RALYL: variants seen among roughly 807,000 people sequenced by gnomAD.
RALYL encodes RNA-binding Raly-like protein.
In RALYL, 29 loss-of-function variants were observed where a neutral mutation model predicts 35.1. The observed-to-expected ratio is 0.83, with a 90% confidence interval of 0.61 to 1.13. The LOEUF is 1.13. Among genes scored for constraint, RALYL ranks in the 50% most tolerant of loss-of-function variants. The pLI is 0.00. For missense variants in RALYL, 359 were observed against 360.4 expected (o/e 1.00, Z 0.03); for synonymous variants, 120 against 127.6 (o/e 0.94, Z 0.40).
intron 1 of RALYL, among the ~76,000 whole-genome samples, chr8:84,252,302 A>G (rs1335140532): frequency 6.6e-6 from 1 of 152,090 alleles, no homozygotes; most frequent in Non-Finnish European, 1.5e-5. Context: ...ATTTTTTGAT[A>G]TATTTTTCAG....
chr8:84,783,669 A>G (rs765496674), intron 3 of RALYL, among the ~76,000 whole-genome samples: 1 of 152,206 alleles, frequency 6.6e-6, no homozygotes, highest in Admixed American at 6.5e-5. Context: ...CTTGAGAAAG[A>G]CATTCCCAGG....
chr8:84,302,530 G>C (rs1841004781), intron 1 of RALYL, among the ~76,000 whole-genome samples: 1 of 152,094 alleles, frequency 6.6e-6, no homozygotes, highest in Non-Finnish European at 1.5e-5. Context: ...TTATTAATTT[G>C]GAAATTTTAT....
intron 2 of RALYL, among the ~76,000 whole-genome samples, chr8:84,727,579 G>A (rs978693190): frequency 4.0e-5 from 6 of 151,074 alleles, no homozygotes; most frequent in Admixed American, 2.6e-4. Context: ...CCACTAACTC[G>A]TCATCTAGCA....
At chr8:84,362,597 G>C (rs1430874858) in intron 1 of RALYL, among the ~76,000 whole-genome samples, 1 of 152,088 alleles carries the variant, frequency 6.6e-6, no homozygotes, top group Non-Finnish European at 1.5e-5. Flanking sequence ...AGGGATCCAG[G>C]TTGCACACTC....
intron 2 of RALYL, among the ~76,000 whole-genome samples, chr8:84,737,194 T>C (rs1847473695): frequency 6.6e-6 from 1 of 152,106 alleles, no homozygotes; most frequent in South Asian, 2.1e-4. Context: ...TGCAGAAATA[T>C]TTTTAAAACT....
At chr8:84,773,357 C>T (rs951212818) in intron 2 of RALYL, among the ~76,000 whole-genome samples, 4 of 152,158 alleles carry the variant, frequency 2.6e-5, no homozygotes, top group African/African-American at 9.7e-5. Context: ...GTCCACTGTG[C>T]AAGAAATAGA....
intron 8 of RALYL, among the ~76,000 whole-genome samples, chr8:84,901,894 T>C (rs1363336389): frequency 6.6e-6 from 1 of 152,164 alleles, no homozygotes; most frequent in Non-Finnish European, 1.5e-5. Flanking sequence ...GATCTATGTC[T>C]GGCCTTAGCA....
chr8:84,425,420 C>T (rs904230278), intron 1 of RALYL, among the ~76,000 whole-genome samples: 3 of 152,168 alleles, frequency 2.0e-5, no homozygotes, highest in Admixed American at 6.5e-5. Context: ...GCGCACGGTG[C>T]GCTCACCCAC....
intron 2 of RALYL, among the ~76,000 whole-genome samples, chr8:84,550,233 C>G (rs2060625358): frequency 1.3e-5 from 2 of 152,106 alleles, no homozygotes; most frequent in Middle Eastern, 3.2e-3. Context: ...CCCTCTCTCT[C>G]CCCTCCACTT....
intron 2 of RALYL, among the ~76,000 whole-genome samples, chr8:84,552,358 ATTTT>A (rs1167949176): frequency 0.054 from 1,611 of 29,730 alleles, 10 homozygotes; most frequent in South Asian, 0.096. Flanking sequence ...ATATATATAT[ATTTT>A]TTTTTTTTTT....
intron 4 of RALYL, among the ~76,000 whole-genome samples, chr8:84,837,642 C>A (rs1307470848): frequency 6.6e-6 from 1 of 152,258 alleles, no homozygotes; most frequent in South Asian, 2.1e-4. Context: ...ACTTGGTCCT[C>A]ATTTAATCTT....
At position 84,907,675 on chromosome 8, in the gene RALYL, C is replaced by T. The variant is rs187688539; in HGVS notation, c.859-13219C>T. On this transcript the variant is annotated intron_variant, in intron 8 of 8. Coordinates refer to ENST00000521268, the MANE Select transcript of RALYL (RefSeq NM_173848.7). ...TTATTAATTTTGATATGTATAGTACCCTTTTGGTTTGTGCCAAATCTATGC... is the reference window on the plus strand; with the variant it reads ...TTATTAATTTTGATATGTATAGTACTCTTTTGGTTTGTGCCAAATCTATGC... 1.6e-3 allele frequency among the ~76,000 whole-genome samples: 244 copies of T among 151,976 alleles called. 1 individual carries two copies. Among genetic ancestry groups the T allele is most frequent in the African/African-American group, 5.5e-3 (229 of 41,442 alleles).
intron 1 of RALYL, among the ~76,000 whole-genome samples, chr8:84,287,568 G>A (rs977247327): frequency 1.3e-5 from 2 of 151,498 alleles, no homozygotes; most frequent in African/African-American, 2.4e-5. Context: ...AGTGTAGGGA[G>A]AATAGAAGGA....
At chr8:84,387,695 A>G (rs1156759789) in intron 1 of RALYL, among the ~76,000 whole-genome samples, 1 of 151,742 alleles carries the variant, frequency 6.6e-6, no homozygotes, top group African/African-American at 2.4e-5. Flanking sequence ...GACAAAGGAC[A>G]TATTCGCTTT....
At chr8:84,610,968 T>C (rs969010693) in intron 2 of RALYL, among the ~76,000 whole-genome samples, 1 of 152,136 alleles carries the variant, frequency 6.6e-6, no homozygotes, top group African/African-American at 2.4e-5. Flanking sequence ...CCTACTCCAG[T>C]ATACAATCAG....
intron 1 of RALYL, among the ~76,000 whole-genome samples, chr8:84,289,143 C>T (rs1048724645): frequency 3.3e-5 from 5 of 152,058 alleles, no homozygotes; most frequent in African/African-American, 9.7e-5. Flanking sequence ...AAGGCTCCAG[C>T]AGAAGTTAGG....
At chr8:84,601,465 G>C (rs1815936973) in intron 2 of RALYL, among the ~76,000 whole-genome samples, 1 of 152,090 alleles carries the variant, frequency 6.6e-6, no homozygotes, top group South Asian at 2.1e-4. Context: ...GCCTTCCTGG[G>C]ACAGTGGCCT....
intron 1 of RALYL, among the ~76,000 whole-genome samples, chr8:84,198,341 T>C (rs1356930369): frequency 1.3e-5 from 2 of 152,180 alleles, no homozygotes; most frequent in Admixed American, 1.3e-4. Flanking sequence ...TTTCTGAATG[T>C]TGAAATTTAT....
At chr8:84,696,678 CT>C (rs35005874) in intron 2 of RALYL, among the ~76,000 whole-genome samples, 19,917 of 151,814 alleles carry the variant, frequency 0.13, 1,829 homozygotes, top group Non-Finnish European at 0.19. Flanking sequence ...ATGTGAGACT[CT>C]TTTTTTCCCA....
Sources: allele counts gnomAD v4.1 joint callset (sites outside exome capture counted in the v4.1 genomes callset), GRCh38; gene constraint gnomAD v4.1.1; transcripts MANE v1.5; gene names NCBI Gene and HGNC (gene_info 2026-07-23, HGNC 2026-07-21).